CDH13: variants seen among roughly 807,000 people sequenced by gnomAD.
The protein encoded by CDH13 is cadherin-13.
CDH13 carries 24 observed loss-of-function variants against 63.8 expected under a neutral mutation model. That is an observed-to-expected ratio of 0.38 (90% CI 0.27 to 0.53). CDH13 has a LOEUF of 0.53. Among genes scored for constraint, CDH13 ranks in the 20% least tolerant of loss-of-function variants. CDH13 has a pLI of 0.85. For missense variants in CDH13, 1,049 were observed against 903.1 expected (o/e 1.16, Z -2.07); for synonymous variants, 503 against 355.3 (o/e 1.42, Z -4.67).
At chr16:83,128,585 G>T (rs753367130) in intron 4 of CDH13, among the ~76,000 whole-genome samples, 1 of 152,164 alleles carries the variant, frequency 6.6e-6, no homozygotes. Context: ...TACACCTGTC[G>T]TCCAAATCTG....
chr16:82,974,772 C>T (rs543906497), intron 2 of CDH13, among the ~76,000 whole-genome samples: 1 of 152,258 alleles, frequency 6.6e-6, no homozygotes, highest in Admixed American at 6.5e-5. Context: ...AAGTGGGCAG[C>T]ATGTAGAACA....
At chr16:83,138,311 C>T (rs144467492) in intron 4 of CDH13, among the ~76,000 whole-genome samples, 146 of 152,150 alleles carry the variant, frequency 9.6e-4, no homozygotes, top group African/African-American at 3.2e-3. Flanking sequence ...GAAGAATGCC[C>T]GTCCTAGGAG....
chr16:82,961,572 T>TAAAAAAAAAAAAAAAAAAAAAAAAAAAA, intron 2 of CDH13, among the ~76,000 whole-genome samples: 1 of 103,406 alleles, frequency 9.7e-6, no homozygotes, highest in Non-Finnish European at 1.9e-5. Context: ...GCAGGGGACT[T>TAAAAAAAAAAAAAAAAAAAAAAAAAAAA]AAAAAAAAAA....
chr16:83,363,753 G>A (rs542638074), intron 6 of CDH13, among the ~76,000 whole-genome samples: 1 of 152,316 alleles, frequency 6.6e-6, no homozygotes, highest in Non-Finnish European at 1.5e-5. Context: ...TGGAACGGCA[G>A]CTCTCAGATC....
chr16:83,342,843 G>GTTTTTTT (rs778316746), intron 5 of CDH13, among the ~76,000 whole-genome samples: 759 of 65,102 alleles, frequency 0.012, 2 homozygotes, highest in Non-Finnish European at 0.013. Context: ...TTTTGTTTCT[G>GTTTTTTT]TTTTTTTTTT....
chr16:83,794,014 T>C (rs1286483066), intron 13 of CDH13, among the ~76,000 whole-genome samples: 2 of 152,040 alleles, frequency 1.3e-5, no homozygotes, highest in Admixed American at 1.3e-4. Flanking sequence ...GCTGCAGTGC[T>C]GCCTCTGAAG....
intron 1 of CDH13, among the ~76,000 whole-genome samples, chr16:82,742,904 C>A (rs1156661089): frequency 6.6e-6 from 1 of 152,008 alleles, no homozygotes; most frequent in Non-Finnish European, 1.5e-5. Context: ...GGTTTAATTC[C>A]AGCACATGCT....
Position 83,780,107 on chromosome 16 carries a change from A to T in CDH13, c.1821A>T (p.Ser607=), listed in dbSNP as rs1206536525. 3 of 1,613,776 alleles carry T rather than the reference A, an allele frequency of 1.9e-6. No individual in the cohort carries two copies. The highest frequency in any genetic ancestry group is 3.3e-5 in the Admixed American group (2 of 59,982). Reference sequence around the variant, plus strand: ...TCAGTGTAGTCATTTTGGGAGCATCAGATAAGGATCTTCACCCGAATACAG... The same window carrying T: ...TCAGTGTAGTCATTTTGGGAGCATCTGATAAGGATCTTCACCCGAATACAG... ...KNLSVVILGA[S]DKDLHPNTDP... is the part of the protein sequence containing the mutation. The change falls in exon 12 of 14, where the codon TCA becomes TCT. Residue 607 remains serine (S), a synonymous_variant. Transcript: ENST00000567109.
At chr16:83,704,849 G>A (rs922588790) in intron 10 of CDH13, among the ~76,000 whole-genome samples, 2 of 152,224 alleles carry the variant, frequency 1.3e-5, no homozygotes, top group African/African-American at 4.8e-5. Flanking sequence ...CAGCATGAGT[G>A]AAATCACACT....
At chr16:83,026,590 A>C (rs928462898) in intron 2 of CDH13, among the ~76,000 whole-genome samples, 1 of 152,192 alleles carries the variant, frequency 6.6e-6, no homozygotes, top group African/African-American at 2.4e-5. Flanking sequence ...ATTTTACAGG[A>C]ATAGTGGCAA....
intron 6 of CDH13, among the ~76,000 whole-genome samples, chr16:83,369,310 T>G (rs995210794): frequency 1.3e-5 from 2 of 150,924 alleles, no homozygotes; most frequent in Non-Finnish European, 3.0e-5. Context: ...AAGTCACCTG[T>G]TTTTTTTTCC....
chr16:83,160,574 C>A (rs764322748), intron 4 of CDH13, among the ~76,000 whole-genome samples: 53 of 152,148 alleles, frequency 3.5e-4, no homozygotes, highest in Admixed American at 7.9e-4. Flanking sequence ...CAATGTGGTG[C>A]TCGTGTGGCC....
At chr16:83,113,416 A>C (rs1373340986) in intron 3 of CDH13, among the ~76,000 whole-genome samples, 1 of 152,036 alleles carries the variant, frequency 6.6e-6, no homozygotes, top group African/African-American at 2.4e-5. Context: ...CTCTATATTT[A>C]TTTCATAATT....
chr16:83,411,981 A>G (rs2092134022), intron 6 of CDH13, among the ~76,000 whole-genome samples: 1 of 152,194 alleles, frequency 6.6e-6, no homozygotes, highest in Non-Finnish European at 1.5e-5. Flanking sequence ...GCAGGGTGCC[A>G]TTGTGCTACT....
intron 1 of CDH13, among the ~76,000 whole-genome samples, chr16:82,769,404 TC>T (rs2035177188): frequency 6.6e-6 from 1 of 152,150 alleles, no homozygotes; most frequent in African/African-American, 2.4e-5. Flanking sequence ...ATATACTGTA[TC>T]CTCCTGTGTT....
At chr16:83,736,721 G>A (rs926478740) in intron 10 of CDH13, among the ~76,000 whole-genome samples, 3 of 152,178 alleles carry the variant, frequency 2.0e-5, no homozygotes, top group Non-Finnish European at 4.4e-5. Context: ...CTGCAAAATG[G>A]ACTAGCAAGC....
intron 6 of CDH13, among the ~76,000 whole-genome samples, chr16:83,364,649 G>C (rs552190080): frequency 6.6e-6 from 1 of 152,204 alleles, no homozygotes; most frequent in Non-Finnish European, 1.5e-5. Flanking sequence ...CTAGGGACCA[G>C]TGAAAGTAGA....
At chr16:83,154,270 C>A (rs2037113656) in intron 4 of CDH13, among the ~76,000 whole-genome samples, 1 of 152,068 alleles carries the variant, frequency 6.6e-6, no homozygotes, top group Non-Finnish European at 1.5e-5. Context: ...AAAAATGTAT[C>A]TTTTGGCCAA....
intron 4 of CDH13, among the ~76,000 whole-genome samples, chr16:83,133,431 T>A (rs907981556): frequency 6.6e-6 from 1 of 152,190 alleles, no homozygotes; most frequent in African/African-American, 2.4e-5. Context: ...AAATTATTAA[T>A]ATGGCTCACG....
Sources: gnomAD v4.1 joint callset for allele counts (sites outside exome capture counted in the v4.1 genomes callset) on GRCh38, gnomAD v4.1.1 for gene constraint, MANE v1.5 for transcripts, NCBI Gene and HGNC (gene_info 2026-07-23, HGNC 2026-07-21) for gene names.